The following COL4A4 variants were observed in gnomAD, a reference collection of about 807,000 sequenced individuals.
The protein encoded by COL4A4 is collagen type IV alpha 4 chain, also known as collagen alpha-4(IV) chain.
Under a neutral mutation model 192.9 loss-of-function variants are expected in COL4A4, and 105 were observed. The ratio of observed to expected loss-of-function variants is 0.54; its 90% CI spans 0.46 to 0.64. The LOEUF (loss-of-function observed/expected upper bound fraction) is 0.64, where lower values mean the gene tolerates loss of function less well. COL4A4 is among the 30% of genes least tolerant of loss of function. The pLI, the probability that COL4A4 is intolerant of heterozygous loss-of-function variation, is 0.00. For missense variants in COL4A4, 1,967 were observed against 2,169.3 expected (o/e 0.91, Z 1.85); for synonymous variants, 762 against 769.9 (o/e 0.99, Z 0.17).
intron 3 of COL4A4, among the ~76,000 whole-genome samples, chr2:227,140,958 C>T (rs1576819457): frequency 6.6e-6 from 1 of 151,288 alleles, no homozygotes; most frequent in Middle Eastern, 3.4e-3. Flanking sequence ...TCTCATGAAT[C>T]CTAATCACCT....
chr2:227,060,100 A>AG (rs773846455), intron 27 of COL4A4, 36 bp downstream of exon 27: 7 of 1,099,050 alleles, frequency 6.4e-6, no homozygotes, highest in East Asian at 2.4e-5. Flanking sequence ...TTCCCAAAGC[A>AG]GAAAAAAAAA....
At chr2:227,096,727 G>A (rs2150716643) in intron 19 of COL4A4, among the ~76,000 whole-genome samples, 1 of 152,258 alleles carries the variant, frequency 6.6e-6, no homozygotes. Context: ...AGATCACACA[G>A]CTTGCAAGTA....
intron 27 of COL4A4, among the ~76,000 whole-genome samples, 182 bp downstream of exon 27, chr2:227,059,954 T>C (rs1416435968): frequency 1.3e-5 from 2 of 152,032 alleles, no homozygotes; most frequent in African/African-American, 4.8e-5. Flanking sequence ...ACTTATAAAA[T>C]TATAATCTGA....
At chr2:227,131,572 A>G (rs1301291357) in intron 4 of COL4A4, among the ~76,000 whole-genome samples, 1 of 152,110 alleles carries the variant, frequency 6.6e-6, no homozygotes, top group Non-Finnish European at 1.5e-5. Context: ...TTCCCACTTC[A>G]GGGCTCAAGC....
In COL4A4 at chr2:227,080,692, T is replaced by C. The variant is rs146260443; in HGVS notation, c.1697-143A>G. ...TCAATTGCTCAAGTCACATAAAACA[T>C]GCCAAAGCCAGAGGGGAGAATGACA... On this transcript the variant is annotated intron_variant, in intron 23 of 47. Coordinates refer to ENST00000396625, the MANE Select transcript of COL4A4 (RefSeq NM_000092.5). 3,934 of 699,016 alleles carry C rather than the reference T, an allele frequency of 5.6e-3. 28 individuals carry two copies. Among genetic ancestry groups the C allele is most frequent in the Admixed American group, 0.014 (599 of 42,662 alleles). The allele number at this position is 699,016 out of a possible 1,614,324, so 43.3% of individuals were successfully genotyped here.
At chr2:227,044,452 A>G (rs2150113637) in intron 35 of COL4A4, among the ~76,000 whole-genome samples, 1 of 152,298 alleles carries the variant, frequency 6.6e-6, no homozygotes, top group African/African-American at 2.4e-5. Flanking sequence ...GGCTATAGTC[A>G]TCATTTATTA....
chr2:227,013,649 C>T (rs943403635), intron 44 of COL4A4, among the ~76,000 whole-genome samples: 2 of 152,174 alleles, frequency 1.3e-5, no homozygotes, highest in African/African-American at 2.4e-5. Flanking sequence ...TTCTGCATCC[C>T]GAACTGTGAA....
intron 13 of COL4A4, 126 bp from the exon 14 acceptor site, chr2:227,103,323 C>T (rs1030565915): frequency 4.4e-5 from 33 of 746,684 alleles, no homozygotes; most frequent in Non-Finnish European, 7.5e-5. Context: ...TAAGAGATTA[C>T]TCTTCACCTG....
Position 227,103,142 on chromosome 2 carries a change from A to G in COL4A4, c.870+2T>C. 6.2e-7 allele frequency: 1 copy of G among 1,609,032 alleles called. No homozygotes were observed. The highest frequency in any genetic ancestry group is 8.5e-7 in the Non-Finnish European group (1 of 1,178,066). On this transcript the variant is annotated splice_donor_variant, in intron 14 of 47. Coordinates refer to ENST00000396625, the MANE Select transcript of COL4A4 (RefSeq NM_000092.5). LOFTEE classifies it high-confidence loss of function. ...AAAAAAAAAGGTACTTAAATAAACT[A>G]CCTTGCGTCCTGGTGGTCCTGGCAG...
rs1383632827 is a variant in COL4A4 at position 227,047,569 on chromosome 2, T to C, written c.3215-20A>G. On this transcript the variant is annotated intron_variant, in intron 34 of 47. Coordinates refer to ENST00000396625, the MANE Select transcript of COL4A4 (RefSeq NM_000092.5). ...TGTTTCCTGAAAGGGATAAAATGCA[T>C]GTGACATTACTTTAGACAATTTAAT... 2 of 1,572,384 alleles carry C rather than the reference T, an allele frequency of 1.3e-6. No homozygotes were observed. Among genetic ancestry groups the C allele is most frequent in the Non-Finnish European group, 1.8e-6 (2 of 1,142,402 alleles).
At chr2:227,131,140 CTT>C (rs111295986) in intron 4 of COL4A4, among the ~76,000 whole-genome samples, 3 of 144,300 alleles carry the variant, frequency 2.1e-5, no homozygotes, top group Non-Finnish European at 1.5e-5. Flanking sequence ...AATCTGTCTG[CTT>C]TTTTTTTTTT....
In COL4A4 at chr2:227,108,846, C is replaced by T. The variant is rs368248078; in HGVS notation, c.680G>A (p.Arg227His). 6.8e-5 allele frequency: 110 copies of T among 1,611,838 alleles called. No homozygotes were observed. Among genetic ancestry groups the T allele is most frequent in the Middle Eastern group, 4.9e-4 (3 of 6,082 alleles). ...GLVGPPGQPGRPGLKGNPGVG... is the reference protein window; with the variant it reads ...GLVGPPGQPGHPGLKGNPGVG... The stretch of plus-strand genomic sequence containing the variant: ...ATGACTGCCTACCTTCAAACCTGGA[C>T]GCCCTGGTTGGCCCGGAGGTCCCTA... The change falls in exon 11 of 48, where the codon CGT (arginine) becomes CAT (histidine). Residue 227 changes from arginine to histidine, a missense_variant. Coordinates refer to ENST00000396625, the MANE Select transcript of COL4A4 (RefSeq NM_000092.5).
At chr2:227,162,441 C>T (rs2064914441) in intron 1 of COL4A4, among the ~76,000 whole-genome samples, 1 of 152,078 alleles carries the variant, frequency 6.6e-6, no homozygotes, top group Non-Finnish European at 1.5e-5. Context: ...AATCATGTGA[C>T]TCTCAGAACT....
intron 12 of COL4A4, among the ~76,000 whole-genome samples, chr2:227,104,829 G>A (rs187407662): frequency 0.017 from 2,503 of 150,982 alleles, 58 homozygotes; most frequent in African/African-American, 0.058. Flanking sequence ...TAGTAGAGAC[G>A]GGGGTTTCTC....
Position 227,032,295 on chromosome 2 carries a change from AT to A in COL4A4, c.3578-20del. 1.2e-6 allele frequency: 2 copies of A among 1,607,116 alleles called. No individual in the cohort carries two copies. The highest frequency in any genetic ancestry group is 1.7e-6 in the Non-Finnish European group (2 of 1,176,292). Reference sequence around the variant, plus strand: ...TGCAAACCTTAATGGGGAAAACAGAATTAATACTATATCTTCTCTTTTCTTG... The same window carrying A: ...TGCAAACCTTAATGGGGAAAACAGAATAATACTATATCTTCTCTTTTCTTG... On this transcript the variant is annotated intron_variant, in intron 38 of 47. Transcript: ENST00000396625.
intron 25 of COL4A4, among the ~76,000 whole-genome samples, chr2:227,074,238 A>G (rs1436532585): frequency 6.6e-6 from 1 of 152,168 alleles, no homozygotes; most frequent in African/African-American, 2.4e-5. Context: ...AAGTGGGAAA[A>G]GGACATGAAT....
At chr2:227,108,905 A>G (rs2061014101) in intron 10 of COL4A4, 37 bp from the exon 11 acceptor site, 2 of 1,602,514 alleles carry the variant, frequency 1.2e-6, no homozygotes, top group Non-Finnish European at 1.7e-6. Flanking sequence ...ATCAATCATC[A>G]GACATAGAAA....
Position 227,120,918 on chromosome 2 carries a change from GAC to G in COL4A4, c.327+94_327+95del, listed in dbSNP as rs1194187798. 46 of 1,504,866 alleles carry G rather than the reference GAC, an allele frequency of 3.1e-5. No homozygotes were observed. In the Admixed American group the frequency reaches 7.5e-4, roughly 24 times the overall value. The allele number at this position is 1,504,866 out of a possible 1,614,324, so 93.2% of individuals were successfully genotyped here. On this transcript the variant is annotated intron_variant, in intron 5 of 47. Transcript: ENST00000396625. ...CCCACCACTGCATTCTAGCCTGAGT[GAC>G]AGAGTAAGACTGTCTAAAAAAAACA...
chr2:227,057,921 T>TA (rs1467198692), intron 28 of COL4A4, among the ~76,000 whole-genome samples: 1 of 152,230 alleles, frequency 6.6e-6, no homozygotes, highest in Non-Finnish European at 1.5e-5. Context: ...ATCTCTACAA[T>TA]ATTTACAAAC....
Sources: gnomAD v4.1 joint callset for allele counts (sites outside exome capture counted in the v4.1 genomes callset) on GRCh38, gnomAD v4.1.1 for gene constraint, MANE v1.5 for transcripts, NCBI Gene and HGNC (gene_info 2026-07-23, HGNC 2026-07-21) for gene names.